The following UBE4B variants were observed in gnomAD, a reference collection of about 807,000 sequenced individuals.
UBE4B encodes ubiquitination factor E4B, also known as ubiquitin conjugation factor E4 B.
Under a neutral mutation model 148.1 loss-of-function variants are expected in UBE4B, and 27 were observed. The observed-to-expected ratio is 0.18, with a 90% CI of 0.13 to 0.25. The LOEUF is 0.25. UBE4B is among the 10% of genes least tolerant of loss of function. The pLI, the probability that UBE4B is intolerant of heterozygous loss-of-function variation, is 1.00. For missense variants in UBE4B, 1,170 were observed against 1,662.4 expected, an observed-to-expected ratio of 0.70 and a Z score of 5.15; for synonymous variants, 596 against 619.3, an observed-to-expected ratio of 0.96 and a Z score of 0.56.
At chr1:10,162,469 G>A (rs747724260) in intron 23 of UBE4B, among the ~76,000 whole-genome samples, 5 of 151,734 alleles carry the variant, frequency 3.3e-5, no homozygotes, top group East Asian at 1.9e-4. Context: ...CATTGCACCC[G>A]GACAATTTTT....
At chr1:10,104,679 A>G (rs1220290069) in intron 5 of UBE4B, among the ~76,000 whole-genome samples, 1 of 152,226 alleles carries the variant, frequency 6.6e-6, no homozygotes, top group Admixed American at 6.5e-5. Context: ...TGTTATTCTT[A>G]TTATAAATCT....
intron 1 of UBE4B, among the ~76,000 whole-genome samples, chr1:10,049,675 C>T (rs1643990567): frequency 6.6e-6 from 1 of 151,900 alleles, no homozygotes; most frequent in African/African-American, 2.4e-5. Flanking sequence ...CCAAGGTGGG[C>T]AGATCACTTG....
At chr1:10,075,552 G>A (rs1419110138) in intron 2 of UBE4B, among the ~76,000 whole-genome samples, 2 of 152,148 alleles carry the variant, frequency 1.3e-5, no homozygotes, top group African/African-American at 4.8e-5. Context: ...GAAAGGCTTG[G>A]GCATTCCCTA....
rs1292450604 is a variant in UBE4B, at chr1:10,171,527, C to T, written c.3525+198C>T. ...CTGGGAGGCCAAGGCAGGGGGATTG[C>T]TTGAGGCCAGACTGCAGTGAGCCGT... On this transcript the variant is annotated intron_variant, in intron 25 of 27. Transcript: ENST00000343090. Among the ~76,000 whole-genome samples the T allele has an allele frequency of 2.0e-5, 3 of 152,314 alleles. No individual in the cohort carries two copies. In the East Asian group the frequency reaches 5.8e-4, roughly 29 times the overall value.
chr1:10,124,616 G>A (rs1300347679), intron 10 of UBE4B, among the ~76,000 whole-genome samples: 1 of 152,212 alleles, frequency 6.6e-6, no homozygotes, highest in Admixed American at 6.5e-5. Context: ...GGATGGAGCT[G>A]TTGGACTGCA....
intron 1 of UBE4B, among the ~76,000 whole-genome samples, chr1:10,041,353 T>TTTTTTG (rs1643755016): frequency 6.7e-6 from 1 of 150,036 alleles, no homozygotes; most frequent in African/African-American, 2.4e-5. Context: ...TTTTTTTTTT[T>TTTTTTG]GATGGAGTTT....
chr1:10,138,382 C>A (rs1645730096), intron 17 of UBE4B, among the ~76,000 whole-genome samples: 1 of 152,012 alleles, frequency 6.6e-6, no homozygotes, highest in Admixed American at 6.6e-5. Flanking sequence ...CAGGCGTGAG[C>A]CCATGCACCT....
intron 21 of UBE4B, among the ~76,000 whole-genome samples, chr1:10,153,270 C>T (rs1449954128): frequency 6.6e-6 from 1 of 151,634 alleles, no homozygotes; most frequent in Non-Finnish European, 1.5e-5. Flanking sequence ...CTTTAGGAGG[C>T]CAAGGTGGGA....
intron 23 of UBE4B, among the ~76,000 whole-genome samples, chr1:10,166,564 G>A (rs1295139380): frequency 1.3e-5 from 2 of 152,130 alleles, no homozygotes; most frequent in Non-Finnish European, 2.9e-5. Context: ...TAGGTGGGCA[G>A]ATCAGTTGAG....
chr1:10,163,503 A>G (rs1646199911), intron 23 of UBE4B: 1 of 152,126 alleles, frequency 6.6e-6, no homozygotes, highest in Non-Finnish European at 1.5e-5. Flanking sequence ...CCCCGTCTCT[A>G]CTAAAAATAC....
At chr1:10,036,486 T>C (rs1449311224) in intron 1 of UBE4B, among the ~76,000 whole-genome samples, 1 of 152,070 alleles carries the variant, frequency 6.6e-6, no homozygotes, top group Non-Finnish European at 1.5e-5. Flanking sequence ...ATTCGTTTGT[T>C]TTTAATTTAA....
chr1:10,131,689 T>A (rs1645595838), intron 14 of UBE4B, among the ~76,000 whole-genome samples: 1 of 151,986 alleles, frequency 6.6e-6, no homozygotes, highest in Non-Finnish European at 1.5e-5. Context: ...TGGTGAAACC[T>A]CGTCACTGCT....
At chr1:10,064,912 C>T (rs535866978) in intron 1 of UBE4B, among the ~76,000 whole-genome samples, 16 of 152,094 alleles carry the variant, frequency 1.1e-4, no homozygotes, top group African/African-American at 1.2e-4. Flanking sequence ...TACAGGTGCC[C>T]GCTGCCATGC....
At chr1:10,090,659 A>AT (rs1272737421) in intron 2 of UBE4B, among the ~76,000 whole-genome samples, 8 of 152,280 alleles carry the variant, frequency 5.3e-5, no homozygotes, top group South Asian at 2.1e-4. Flanking sequence ...TGATCAAGCG[A>AT]TCCTCTTGCC....
intron 1 of UBE4B, among the ~76,000 whole-genome samples, chr1:10,057,159 T>C (rs563669387): frequency 1.3e-5 from 2 of 152,236 alleles, no homozygotes; most frequent in South Asian, 2.1e-4. Flanking sequence ...TTAAGTATTA[T>C]GGGTGACTTA....
chr1:10,154,725 C>G (rs1481747805), intron 21 of UBE4B, among the ~76,000 whole-genome samples: 1 of 151,844 alleles, frequency 6.6e-6, no homozygotes, highest in East Asian at 1.9e-4. Flanking sequence ...ACCTATAGTC[C>G]CAGCTTCTCT....
intron 1 of UBE4B, among the ~76,000 whole-genome samples, chr1:10,050,722 T>C (rs951789939): frequency 1.3e-4 from 18 of 134,356 alleles, no homozygotes; most frequent in African/African-American, 4.8e-4. Flanking sequence ...ACTCCTATTC[T>C]TTTTTTTTTT....
chr1:10,073,888 C>G (rs1644531982), intron 2 of UBE4B, among the ~76,000 whole-genome samples: 1 of 150,386 alleles, frequency 6.6e-6, no homozygotes, highest in African/African-American at 2.4e-5. Context: ...ACTCTCTCAG[C>G]TAGTGGCCTG....
At chr1:10,087,222 ATATT>A (rs542843388) in intron 2 of UBE4B, among the ~76,000 whole-genome samples, 14 of 152,358 alleles carry the variant, frequency 9.2e-5, no homozygotes, top group Admixed American at 9.1e-4. Context: ...ATAGGTAAAA[ATATT>A]AAGTAAGAAG....
Sources: gnomAD v4.1 joint callset for allele counts (sites outside exome capture counted in the v4.1 genomes callset) on GRCh38, gnomAD v4.1.1 for gene constraint, MANE v1.5 for transcripts, NCBI Gene and HGNC (gene_info 2026-07-23, HGNC 2026-07-21) for gene names.